The following ALDH1A2 variants were observed in gnomAD, a reference collection of about 807,000 sequenced individuals.
The protein encoded by ALDH1A2 is aldehyde dehydrogenase 1 family member A2.
In ALDH1A2, 27 loss-of-function variants were observed where a neutral mutation model predicts 60.3. The observed-to-expected ratio is 0.45, with a 90% CI of 0.33 to 0.62. The LOEUF (loss-of-function observed/expected upper bound fraction) is 0.62. Ranked by LOEUF, ALDH1A2 falls within the 20% of genes least tolerant of loss-of-function variation. The probability of loss-of-function intolerance (pLI) is 0.02; values close to 1 mark genes in which losing one functional copy is unlikely to be tolerated. For missense variants in ALDH1A2, 581 were observed against 643.8 expected (o/e 0.90, Z 1.06); for synonymous variants, 289 against 232.4 (o/e 1.24, Z -2.21).
Position 58,003,733 on chromosome 15 carries a change from C to T in ALDH1A2, c.493+6916G>A, listed in dbSNP as rs1895354523. Among the ~76,000 whole-genome samples the T allele has an allele frequency of 2.6e-5, 4 of 151,864 alleles. No individual in the cohort carries two copies. The South Asian group carries it at 8.3e-4, about 31-fold the overall frequency. On this transcript the variant is annotated intron_variant, in intron 4 of 12. Coordinates refer to ENST00000249750, the MANE Select transcript of ALDH1A2 (RefSeq NM_003888.4). ...GACGTGAGAGAAGAGGATTTGAATA[C>T]AGGTTAAAAATACTCAAAATGGAGA...
At chr15:58,056,643 C>T (rs1488035683) in intron 1 of ALDH1A2, among the ~76,000 whole-genome samples, 1 of 151,936 alleles carries the variant, frequency 6.6e-6, no homozygotes, top group Non-Finnish European at 1.5e-5. Context: ...AAAATGTTTG[C>T]ATAGTAAATA....
At position 58,027,942 on chromosome 15, in the gene ALDH1A2, C is replaced by T. The variant is rs546565094; in HGVS notation, c.118-13661G>A. On this transcript the variant is annotated intron_variant, in intron 1 of 12. Coordinates refer to ENST00000249750, the MANE Select transcript of ALDH1A2 (RefSeq NM_003888.4). ...GTTTGATTGGTGTACCTGAAAGTGA[C>T]GGGGACAATGGAACCAAGTTAGAAA... Among the ~76,000 whole-genome samples, 14 of 152,220 alleles carry T rather than the reference C, an allele frequency of 9.2e-5. 1 individual carries two copies. Among genetic ancestry groups the T allele is most frequent in the Admixed American group, 3.3e-4 (5 of 15,286 alleles).
At chr15:57,972,102 C>A (rs879592905) in intron 7 of ALDH1A2, among the ~76,000 whole-genome samples, 1 of 151,962 alleles carries the variant, frequency 6.6e-6, no homozygotes, top group Non-Finnish European at 1.5e-5. Context: ...ATCTTCATGA[C>A]AAAACTGGGA....
At chr15:57,982,931 C>T (rs1230724610) in intron 7 of ALDH1A2, among the ~76,000 whole-genome samples, 1 of 152,064 alleles carries the variant, frequency 6.6e-6, no homozygotes, top group African/African-American at 2.4e-5. Flanking sequence ...AGTTAACGAC[C>T]CTAGGAAATC....
At chr15:58,030,918 G>C (rs1462191326) in intron 1 of ALDH1A2, among the ~76,000 whole-genome samples, 2 of 152,132 alleles carry the variant, frequency 1.3e-5, no homozygotes, top group African/African-American at 4.8e-5. Context: ...CATGCTCATG[G>C]ATAGGAAGAA....
chr15:58,062,167 A>G (rs1417768465), intron 1 of ALDH1A2, among the ~76,000 whole-genome samples: 1 of 152,168 alleles, frequency 6.6e-6, no homozygotes, highest in African/African-American at 2.4e-5. Flanking sequence ...TATGTTATAA[A>G]TACCCTCTTC....
At chr15:58,000,942 T>A (rs1406939453) in intron 4 of ALDH1A2, among the ~76,000 whole-genome samples, 1 of 151,716 alleles carries the variant, frequency 6.6e-6, no homozygotes, top group Non-Finnish European at 1.5e-5. Flanking sequence ...TTTTTATTTA[T>A]TTTTTGTCTC....
intron 1 of ALDH1A2, among the ~76,000 whole-genome samples, chr15:58,054,945 G>A (rs1249357126): frequency 6.6e-6 from 1 of 151,918 alleles, no homozygotes; most frequent in African/African-American, 2.4e-5. Flanking sequence ...ATTTTTGTCT[G>A]GTTGGAATTG....
At chr15:58,043,475 TA>T (rs1417095164) in intron 1 of ALDH1A2, among the ~76,000 whole-genome samples, 1 of 152,018 alleles carries the variant, frequency 6.6e-6, no homozygotes, top group East Asian at 1.9e-4. Context: ...GTTCCTTCTC[TA>T]AAGAGTGTAT....
rs373952300 is a variant in ALDH1A2, at chr15:57,992,646, G to A, written c.798+59C>T. 3.7e-5 allele frequency: 55 copies of A among 1,494,628 alleles called. No individual in the cohort carries two copies. The African/African-American group carries it at 5.0e-4, about 13-fold the overall frequency. 92.6% of individuals were successfully genotyped at this position (1,494,628 alleles called of 1,614,324 possible). On this transcript the variant is annotated intron_variant, in intron 7 of 12. Transcript: ENST00000249750. ...TATGGGTACTAGTTTTATTGTTTTT[G>A]TAACCCCTCAACTCATTTGCAAGAC...
rs186395391 is a variant in ALDH1A2, at chr15:58,028,554, T to A, written c.118-14273A>T. ...AGGATCAAATTCACACATAACAATA[T>A]TAACCTTAAATGTAAATGGGCTAAA... On this transcript the variant is annotated intron_variant, in intron 1 of 12. Coordinates refer to ENST00000249750, the MANE Select transcript of ALDH1A2 (RefSeq NM_003888.4). 4.6e-3 allele frequency among the ~76,000 whole-genome samples: 693 copies of A among 152,244 alleles called. 25 individuals are homozygous for A. The highest frequency in any genetic ancestry group is 0.04 in the Admixed American group (611 of 15,290).
At chr15:57,978,764 C>T (rs113949202) in intron 7 of ALDH1A2, among the ~76,000 whole-genome samples, 3,915 of 152,216 alleles carry the variant, frequency 0.026, 73 homozygotes, top group Middle Eastern at 0.065. Flanking sequence ...GGGCCGGGCA[C>T]GGTGGCTCAC....
At chr15:58,012,207 T>C (rs1385268793) in intron 3 of ALDH1A2, 1 of 152,108 alleles carries the variant, frequency 6.6e-6, no homozygotes, top group African/African-American at 2.4e-5. Flanking sequence ...TATATGAAAA[T>C]ATAACTGGAG....
At chr15:58,004,894 T>C (rs1184431883) in intron 4 of ALDH1A2, among the ~76,000 whole-genome samples, 1 of 150,790 alleles carries the variant, frequency 6.6e-6, no homozygotes, top group Non-Finnish European at 1.5e-5. Flanking sequence ...ATGACACAAA[T>C]GGAAAAACAC....
At chr15:57,958,819 GACAA>G (rs369818922) in intron 12 of ALDH1A2, among the ~76,000 whole-genome samples, 9 of 152,100 alleles carry the variant, frequency 5.9e-5, no homozygotes, top group Non-Finnish European at 1.3e-4. Flanking sequence ...GGTAAGTAGA[GACAA>G]ACAAACAAAC....
At chr15:58,023,329 G>A (rs1895984738) in intron 1 of ALDH1A2, among the ~76,000 whole-genome samples, 1 of 152,014 alleles carries the variant, frequency 6.6e-6, no homozygotes. Flanking sequence ...TGTGACACTT[G>A]GGACAATTTT....
intron 1 of ALDH1A2, among the ~76,000 whole-genome samples, chr15:58,024,210 C>A (rs1257692001): frequency 1.3e-5 from 2 of 151,744 alleles, no homozygotes; most frequent in Non-Finnish European, 2.9e-5. Flanking sequence ...GGAATCCAAA[C>A]TACAGTGTAA....
chr15:58,005,561 C>A (rs1277941280), intron 4 of ALDH1A2, among the ~76,000 whole-genome samples: 1 of 151,978 alleles, frequency 6.6e-6, no homozygotes, highest in African/African-American at 2.4e-5. Flanking sequence ...TTTCCCTAGC[C>A]TTCCCAAATG....
Position 57,993,016 on chromosome 15 carries a change from T to C in ALDH1A2, c.613A>G (p.Asn205Asp). ...TCTGCTGGCTTAATAACTACTGTAT[T>C]GCCACAGCACAAAGCTGGAGCTATT... ...WKIAPALCCG[N>D]TVVIKPAEQT... The change falls in exon 6 of 13, where the codon AAT (asparagine) becomes GAT (aspartate). Residue 205 changes from asparagine (N) to aspartate (D), a missense_variant. Physicochemically the swap from Asn to Asp is conservative, Grantham distance 23. This residue lies in a region of ALDH1A2 where 375 missense variants were observed against 469.7 expected (regional missense o/e 0.80). Coordinates refer to ENST00000249750, the MANE Select transcript of ALDH1A2 (RefSeq NM_003888.4). 1 of 1,613,704 alleles carries C rather than the reference T, an allele frequency of 6.2e-7. No individual in the cohort carries two copies. The highest frequency in any genetic ancestry group is 1.1e-5 in the South Asian group (1 of 91,062).
Sources: gnomAD v4.1 joint callset for allele counts (sites outside exome capture counted in the v4.1 genomes callset) on GRCh38, gnomAD v4.1.1 for gene constraint, gnomAD v4.1.1 regional missense constraint, MANE v1.5 for transcripts, NCBI Gene and HGNC (gene_info 2026-07-23, HGNC 2026-07-21) for gene names.